Variants in CMPK1 observed in about 807,000 individuals in gnomAD.
CMPK1 encodes UMP-CMP kinase.
A neutral mutation model predicts 25.7 loss-of-function variants in CMPK1; 10 were observed. That is an observed-to-expected ratio of 0.39 (90% CI 0.24 to 0.66). CMPK1 has a LOEUF of 0.66. CMPK1 is among the 30% of genes least tolerant of loss of function. The probability of loss-of-function intolerance (pLI) is 0.48; values close to 1 mark genes in which losing one functional copy is unlikely to be tolerated. For synonymous variants in CMPK1, 106 were observed against 101.5 expected, an observed-to-expected ratio of 1.04 and a Z score of -0.27; for missense variants, 199 against 280.5, an observed-to-expected ratio of 0.71 and a Z score of 2.08.
intron 1 of CMPK1, among the ~76,000 whole-genome samples, chr1:47,355,437 C>G (rs368183190): frequency 3.3e-5 from 5 of 150,500 alleles, no homozygotes; most frequent in South Asian, 4.2e-4. Context: ...GCCTCAGCCT[C>G]CCAAGCAGCT....
At chr1:47,350,905 CAA>C (rs36038736) in intron 1 of CMPK1, among the ~76,000 whole-genome samples, 4 of 126,354 alleles carry the variant, frequency 3.2e-5, no homozygotes, top group Admixed American at 8.3e-5. Flanking sequence ...GAGACTGTCT[CAA>C]AAAAAAAAAA....
chr1:47,357,003 G>A lies in CMPK1; in HGVS notation c.172-11466G>A, dbSNP rs183514618. Among the ~76,000 whole-genome samples, 14 of 131,336 alleles carry A rather than the reference G, an allele frequency of 1.1e-4. 1 individual carries two copies. Among genetic ancestry groups the A allele is most frequent in the Admixed American group, 4.4e-4 (5 of 11,426 alleles). 86.2% of individuals were successfully genotyped at this position (131,336 alleles called of 152,430 possible). On this transcript the variant is annotated intron_variant, in intron 1 of 5. Transcript: ENST00000371873. ...TTTTGAGACCGAGTCTTGCCCTGTC[G>A]CCCAGGCTGGAGTGCAGTGGCACGA... is the stretch of plus-strand genomic sequence containing the variant.
chr1:47,364,938 T>C (rs1003501470), intron 1 of CMPK1, among the ~76,000 whole-genome samples: 2 of 151,994 alleles, frequency 1.3e-5, no homozygotes, highest in Non-Finnish European at 2.9e-5. Context: ...AATGTTTTTA[T>C]TTTTTGTAGA....
intron 2 of CMPK1, among the ~76,000 whole-genome samples, chr1:47,369,608 C>G (rs985580614): frequency 1.3e-5 from 2 of 151,718 alleles, no homozygotes; most frequent in African/African-American, 4.8e-5. Context: ...TGTCGCCAGG[C>G]TGGAGTGTAG....
intron 1 of CMPK1, among the ~76,000 whole-genome samples, chr1:47,364,032 G>A (rs1362803410): frequency 1.3e-5 from 2 of 152,122 alleles, no homozygotes; most frequent in African/African-American, 4.8e-5. Context: ...TTTGCAGCAG[G>A]TACCAGACTG....
chr1:47,342,238 C>A (rs924465015), intron 1 of CMPK1, among the ~76,000 whole-genome samples: 2 of 151,846 alleles, frequency 1.3e-5, no homozygotes, highest in Admixed American at 6.6e-5. Context: ...CCTGCCACCA[C>A]ACCTGGCTAA....
intron 1 of CMPK1, among the ~76,000 whole-genome samples, chr1:47,350,952 C>G (rs985784213): frequency 6.6e-6 from 1 of 151,936 alleles, no homozygotes; most frequent in Non-Finnish European, 1.5e-5. Flanking sequence ...GATCCCCCAC[C>G]CTTCCCTAGC....
chr1:47,342,649 C>CTTTTTT (rs11334963), intron 1 of CMPK1, among the ~76,000 whole-genome samples: 16 of 116,394 alleles, frequency 1.4e-4, no homozygotes, highest in Non-Finnish European at 2.3e-4. Flanking sequence ...TCTCTTTTTT[C>CTTTTTT]TTTTTTTTTT....
At chr1:47,337,214 C>T (rs549059869) in intron 1 of CMPK1, among the ~76,000 whole-genome samples, 151 of 152,186 alleles carry the variant, frequency 9.9e-4, no homozygotes, top group African/African-American at 3.4e-3. Context: ...ACCGGGGAGG[C>T]GGAGCTTGCA....
intron 1 of CMPK1, among the ~76,000 whole-genome samples, chr1:47,339,996 C>T (rs972658584): frequency 4.6e-5 from 7 of 151,642 alleles, no homozygotes; most frequent in Non-Finnish European, 7.4e-5. Context: ...GCGTGAGCCA[C>T]CGCATCCGGC....
At chr1:47,373,165 G>A in intron 3 of CMPK1, 58 bp downstream of exon 3, 1 of 1,474,684 alleles carries the variant, frequency 6.8e-7, no homozygotes, top group Non-Finnish European at 9.1e-7. Flanking sequence ...TCAACTATTA[G>A]AAAAAACAAA....
chr1:47,362,112 C>T (rs184271590), intron 1 of CMPK1, among the ~76,000 whole-genome samples: 2 of 150,888 alleles, frequency 1.3e-5, no homozygotes, highest in East Asian at 3.9e-4. Flanking sequence ...TCAGGTGATT[C>T]GCCTGCCTTG....
chr1:47,364,369 G>T (rs958494779), intron 1 of CMPK1, among the ~76,000 whole-genome samples: 4 of 152,032 alleles, frequency 2.6e-5, no homozygotes, highest in Non-Finnish European at 4.4e-5. Context: ...CCAGGCTGGC[G>T]TGCAGTGGCG....
At position 47,376,751 on chromosome 1, in the gene CMPK1, A is replaced by T; in HGVS notation, c.*6A>T. 1 of 1,550,316 alleles carries T rather than the reference A, an allele frequency of 6.5e-7. No homozygotes were observed. The highest frequency in any genetic ancestry group is 8.9e-7 in the Non-Finnish European group (1 of 1,124,422). On this transcript the variant is annotated 3_prime_UTR_variant, in exon 6 of 6. Coordinates refer to ENST00000371873, the MANE Select transcript of CMPK1 (RefSeq NM_016308.3). ...TTTTTGACAAGGAAGGCTAATTCTA[A>T]ACCTGAAGGCATCCTTGAAATCATG...
At chr1:47,344,432 C>A (rs1646467793) in intron 1 of CMPK1, among the ~76,000 whole-genome samples, 1 of 152,036 alleles carries the variant, frequency 6.6e-6, no homozygotes, top group Admixed American at 6.6e-5. Context: ...AAAAACACTC[C>A]CTTGAATGCA....
chr1:47,335,728 A>AT (rs1221803943), intron 1 of CMPK1, among the ~76,000 whole-genome samples: 12 of 150,700 alleles, frequency 8.0e-5, no homozygotes, highest in Non-Finnish European at 1.6e-4. Context: ...TCTTAAAAAA[A>AT]TTTTTTTTTG....
chr1:47,358,595 C>T (rs897724240), intron 1 of CMPK1: 3 of 991,836 alleles, frequency 3.0e-6, no homozygotes, highest in Non-Finnish European at 3.6e-6. Context: ...CACTGTCACA[C>T]TGGGTTGTGA....
At chr1:47,348,273 A>T (rs1646499099) in intron 1 of CMPK1, among the ~76,000 whole-genome samples, 1 of 152,056 alleles carries the variant, frequency 6.6e-6, no homozygotes, top group Non-Finnish European at 1.5e-5. Context: ...TTTTTGTTTC[A>T]TGTTGGCCTA....
chr1:47,375,036 T>C, intron 4 of CMPK1, 51 bp downstream of exon 4: 1 of 1,439,404 alleles, frequency 6.9e-7, no homozygotes, highest in Non-Finnish European at 9.8e-7. Context: ...CCTGCCTTAT[T>C]TGGTACAGGA....
Sources: gnomAD v4.1 joint callset for allele counts (sites outside exome capture counted in the v4.1 genomes callset) on GRCh38, gnomAD v4.1.1 for gene constraint, MANE v1.5 for transcripts, NCBI Gene and HGNC (gene_info 2026-07-23, HGNC 2026-07-21) for gene names.